Variants in UBASH3B observed in about 807,000 individuals in gnomAD.
UBASH3B encodes the protein ubiquitin associated and SH3 domain containing B.
UBASH3B carries 37 observed loss-of-function variants against 83.4 expected under a neutral mutation model. The ratio of observed to expected loss-of-function variants is 0.44; its 90% CI spans 0.34 to 0.58. The LOEUF (loss-of-function observed/expected upper bound fraction) is 0.58. UBASH3B is among the 20% of genes least tolerant of loss of function. The pLI is 0.01. For synonymous variants in UBASH3B, 304 were observed against 318.3 expected (o/e 0.96, Z 0.48); for missense variants, 657 against 827.2 (o/e 0.79, Z 2.52).
At chr11:122,767,936 G>A (rs192467525) in intron 1 of UBASH3B, among the ~76,000 whole-genome samples, 2 of 152,174 alleles carry the variant, frequency 1.3e-5, no homozygotes, top group South Asian at 2.1e-4. Context: ...ATGTCTCTGC[G>A]TTTATTTGGA....
intron 1 of UBASH3B, among the ~76,000 whole-genome samples, chr11:122,690,208 A>ATC (rs1863872462): frequency 1.1e-4 from 3 of 27,224 alleles, no homozygotes; most frequent in South Asian, 1.4e-3. Context: ...ATATATATAT[A>ATC]TCCAATTATA....
intron 1 of UBASH3B, among the ~76,000 whole-genome samples, chr11:122,766,499 C>T (rs1026336024): frequency 6.6e-6 from 1 of 152,166 alleles, no homozygotes. Context: ...GAGCCGAGAT[C>T]GCGCCACTGC....
intron 1 of UBASH3B, among the ~76,000 whole-genome samples, chr11:122,694,193 AG>A (rs1200112078): frequency 1.3e-5 from 2 of 150,228 alleles, no homozygotes; most frequent in African/African-American, 5.0e-5. Context: ...AAACCTCTCT[AG>A]TACTTGTTAA....
At chr11:122,724,319 G>A (rs187171223) in intron 1 of UBASH3B, among the ~76,000 whole-genome samples, 3 of 152,296 alleles carry the variant, frequency 2.0e-5, no homozygotes, top group Admixed American at 2.0e-4. Flanking sequence ...TGTGTGGAGT[G>A]CTTAGAATCG....
intron 1 of UBASH3B, among the ~76,000 whole-genome samples, chr11:122,765,132 C>T (rs1860511921): frequency 1.3e-5 from 2 of 150,234 alleles, no homozygotes; most frequent in South Asian, 2.1e-4. Flanking sequence ...AGACTAGGTT[C>T]GGTTTTATTC....
chr11:122,729,318 C>G (rs141008128), intron 1 of UBASH3B, among the ~76,000 whole-genome samples: 1 of 152,122 alleles, frequency 6.6e-6, no homozygotes, highest in Non-Finnish European at 1.5e-5. Context: ...AGATGCCACG[C>G]GGTTCTTGTT....
At chr11:122,751,747 C>G (rs1406262196) in intron 1 of UBASH3B, among the ~76,000 whole-genome samples, 1 of 152,156 alleles carries the variant, frequency 6.6e-6, no homozygotes, top group African/African-American at 2.4e-5. Context: ...TCCTGGCTGA[C>G]CATAGTGCTC....
chr11:122,695,890 T>C (rs1277450788), intron 1 of UBASH3B, among the ~76,000 whole-genome samples: 1 of 152,378 alleles, frequency 6.6e-6, no homozygotes, highest in African/African-American at 2.4e-5. Flanking sequence ...AGTTACTAAA[T>C]AGTCACATTG....
In UBASH3B at chr11:122,779,500, G is replaced by A. The variant is rs561460883; in HGVS notation, c.406G>A (p.Glu136Lys). ...GACTGCCTGTTTTCCCTGCCAGTGC[G>A]AGGACAGCAAGGTGGATGCCCTGGG... ...HITLCQFFMC[E>K]DSKVDALGEA... The change falls in exon 4 of 14, where the codon GAG becomes AAG. Residue 136 changes from glutamate (E) to lysine (K), a missense_variant. Transcript: ENST00000284273. 8 of 1,613,784 alleles carry A rather than the reference G, an allele frequency of 5.0e-6. No homozygotes were observed. The highest frequency in any genetic ancestry group is 2.2e-5 in the East Asian group (1 of 44,886).
chr11:122,776,617 C>T (rs947969803), intron 2 of UBASH3B, among the ~76,000 whole-genome samples: 60 of 152,116 alleles, frequency 3.9e-4, no homozygotes, highest in African/African-American at 1.2e-3. Flanking sequence ...TATCCCTACC[C>T]AGGGTGGGTC....
chr11:122,718,468 G>T (rs140032569), intron 1 of UBASH3B, among the ~76,000 whole-genome samples: 1 of 152,112 alleles, frequency 6.6e-6, no homozygotes, highest in Non-Finnish European at 1.5e-5. Context: ...ATCTCCAGCC[G>T]TGTGACCTTG....
intron 10 of UBASH3B, among the ~76,000 whole-genome samples, chr11:122,800,407 A>G (rs1436306779): frequency 1.4e-5 from 2 of 146,930 alleles, no homozygotes; most frequent in Non-Finnish European, 1.5e-5. Context: ...AAAAAACAAG[A>G]GCTGGGCTTG....
intron 1 of UBASH3B, among the ~76,000 whole-genome samples, chr11:122,718,726 A>G (rs1437264601): frequency 6.6e-6 from 1 of 152,238 alleles, no homozygotes; most frequent in Non-Finnish European, 1.5e-5. Context: ...AAGCTAACTC[A>G]TAGCGCATGT....
chr11:122,681,162 T>G (rs2135909165), intron 1 of UBASH3B, among the ~76,000 whole-genome samples: 1 of 152,358 alleles, frequency 6.6e-6, no homozygotes, highest in East Asian at 1.9e-4. Flanking sequence ...AATGAATCAT[T>G]CATTGTAATA....
chr11:122,810,300 AT>A lies in UBASH3B; in HGVS notation c.*427del, dbSNP rs879565637. 559 of 149,116 alleles carry A rather than the reference AT, an allele frequency of 3.7e-3. 1 individual carries two copies. Among genetic ancestry groups the A allele is most frequent in the Non-Finnish European group, 4.3e-3 (293 of 67,738 alleles). 9.2% of individuals were successfully genotyped at this position (149,116 alleles called of 1,614,324 possible). On this transcript the variant is annotated 3_prime_UTR_variant, in exon 14 of 14. Coordinates refer to ENST00000284273, the MANE Select transcript of UBASH3B (RefSeq NM_032873.5). ...ATTGAAAGGACAGCTTGGGGATGGA[AT>A]TTTTTTTTTTTTATCTCCATTTTCC...
chr11:122,656,386 G>A (rs1166988494), intron 1 of UBASH3B, among the ~76,000 whole-genome samples, 176 bp downstream of exon 1: 1 of 152,092 alleles, frequency 6.6e-6, no homozygotes, highest in Non-Finnish European at 1.5e-5. Flanking sequence ...TCCGGGCGGG[G>A]GTGCGGGGGA....
rs1860549668 is a variant in UBASH3B at position 122,717,768 on chromosome 11, CA to C, written c.162-58450del. On this transcript the variant is annotated intron_variant, in intron 1 of 13. Transcript: ENST00000284273. ...GCAGTTCTATAACTCTGAGAAGTCACAGGGGGCCCGGTCAACCACCAGCAAA... is the reference window on the plus strand; with the variant it reads ...GCAGTTCTATAACTCTGAGAAGTCACGGGGGCCCGGTCAACCACCAGCAAA... Among the ~76,000 whole-genome samples, 3 of 152,286 alleles carry C rather than the reference CA, an allele frequency of 2.0e-5. No homozygotes were observed. The South Asian group carries it at 6.2e-4, about 32-fold the overall frequency.
At chr11:122,798,267 T>C (rs1184570498) in intron 9 of UBASH3B, among the ~76,000 whole-genome samples, 1 of 152,122 alleles carries the variant, frequency 6.6e-6, no homozygotes, top group Non-Finnish European at 1.5e-5. Context: ...CATGTTGAGA[T>C]TTTGGTTAGC....
chr11:122,760,081 A>G (rs1861345733), intron 1 of UBASH3B, among the ~76,000 whole-genome samples: 1 of 152,158 alleles, frequency 6.6e-6, no homozygotes, highest in African/African-American at 2.4e-5. Context: ...TAAAATTTTA[A>G]CACCTACTAT....
Sources: allele counts gnomAD v4.1 joint callset (sites outside exome capture counted in the v4.1 genomes callset), GRCh38; gene constraint gnomAD v4.1.1; transcripts MANE v1.5; gene names NCBI Gene and HGNC (gene_info 2026-07-23, HGNC 2026-07-21).